The following FUT9 variants were observed in gnomAD, a reference collection of about 807,000 sequenced individuals.
The protein encoded by FUT9 is 4-galactosyl-N-acetylglucosaminide 3-alpha-L-fucosyltransferase 9.
A neutral mutation model predicts 29.7 loss-of-function variants in FUT9; 15 were observed. That is an observed-to-expected ratio of 0.51 (90% CI 0.34 to 0.78). The LOEUF is 0.78. Among genes scored for constraint, FUT9 ranks in the 30% least tolerant of loss-of-function variants. The pLI, the probability that FUT9 is intolerant of heterozygous loss-of-function variation, is 0.01. For missense variants in FUT9, 319 were observed against 425.4 expected (o/e 0.75, Z 2.20); for synonymous variants, 169 against 153.7 (o/e 1.10, Z -0.74).
intron 1 of FUT9, among the ~76,000 whole-genome samples, chr6:96,099,436 T>C (rs893938231): frequency 1.3e-5 from 2 of 152,166 alleles, no homozygotes; most frequent in African/African-American, 4.8e-5. Context: ...TTTTCCTCCT[T>C]TATATGTAAC....
intron 1 of FUT9, among the ~76,000 whole-genome samples, chr6:96,068,739 T>G (rs1024698620): frequency 6.6e-6 from 1 of 152,206 alleles, no homozygotes; most frequent in East Asian, 1.9e-4. Flanking sequence ...AGATAATATC[T>G]TCTCTTAAAA....
At chr6:96,130,113 T>C (rs920998715) in intron 2 of FUT9, among the ~76,000 whole-genome samples, 2 of 152,074 alleles carry the variant, frequency 1.3e-5, no homozygotes, top group Non-Finnish European at 2.9e-5. Context: ...GCATGGTTTT[T>C]GGGAGATAAA....
chr6:96,078,786 A>G (rs1376848750), intron 1 of FUT9, among the ~76,000 whole-genome samples: 2 of 152,164 alleles, frequency 1.3e-5, no homozygotes, highest in African/African-American at 2.4e-5. Context: ...ACAAAGGTCA[A>G]ACAAAACTAA....
chr6:96,155,574 G>C (rs543319866), intron 2 of FUT9, among the ~76,000 whole-genome samples: 3 of 151,936 alleles, frequency 2.0e-5, no homozygotes, highest in Non-Finnish European at 4.4e-5. Flanking sequence ...TTGGGAGGCT[G>C]AGGAAGGAGA....
At chr6:96,181,373 C>T (rs1447172617) in intron 2 of FUT9, among the ~76,000 whole-genome samples, 2 of 151,900 alleles carry the variant, frequency 1.3e-5, no homozygotes, top group African/African-American at 4.8e-5. Context: ...TACAATGTCA[C>T]CTTACCCAAT....
At chr6:96,144,292 A>C (rs909890732) in intron 2 of FUT9, among the ~76,000 whole-genome samples, 4 of 152,284 alleles carry the variant, frequency 2.6e-5, no homozygotes. Context: ...GCCCATAAAG[A>C]AGAGTAGTTA....
At chr6:96,174,771 A>G (rs916730994) in intron 2 of FUT9, among the ~76,000 whole-genome samples, 5 of 152,196 alleles carry the variant, frequency 3.3e-5, no homozygotes, top group African/African-American at 1.2e-4. Flanking sequence ...ATGAAGGAAG[A>G]TAAGAATGCA....
chr6:96,111,439 A>G (rs966717061), intron 1 of FUT9, among the ~76,000 whole-genome samples: 15 of 152,148 alleles, frequency 9.9e-5, no homozygotes, highest in African/African-American at 2.2e-4. Context: ...ACTAAGTTCA[A>G]ATAAATCATT....
At chr6:96,133,633 C>T (rs1031460315) in intron 2 of FUT9, among the ~76,000 whole-genome samples, 1 of 151,856 alleles carries the variant, frequency 6.6e-6, no homozygotes, top group Non-Finnish European at 1.5e-5. Flanking sequence ...GTGTGTAATT[C>T]ATACATTGAA....
At chr6:96,191,865 G>C (rs911446432) in intron 2 of FUT9, among the ~76,000 whole-genome samples, 1 of 152,032 alleles carries the variant, frequency 6.6e-6, no homozygotes, top group Non-Finnish European at 1.5e-5. Context: ...TGACCAAGTC[G>C]GCTTCATCCC....
chr6:96,117,260 A>G (rs1047525723), intron 2 of FUT9, among the ~76,000 whole-genome samples: 2 of 152,212 alleles, frequency 1.3e-5, no homozygotes, highest in Non-Finnish European at 2.9e-5. Context: ...AATAAATTAT[A>G]GATATTGGGA....
chr6:96,131,942 C>T (rs1409132337), intron 2 of FUT9, among the ~76,000 whole-genome samples: 1 of 152,178 alleles, frequency 6.6e-6, no homozygotes, highest in Non-Finnish European at 1.5e-5. Context: ...CATCACAGTT[C>T]TATGAAGAGG....
rs1184137014 is a variant in FUT9, at chr6:96,214,886, A to T, written c.*10651A>T. On this transcript the variant is annotated 3_prime_UTR_variant, in exon 3 of 3. Transcript: ENST00000302103. ...CAGTTCAATTTAACAGCTTCAGTGA[A>T]GTTAGTATAATGATAAGAAAAATTG... The T allele has an allele frequency of 6.0e-6, 1 of 166,998 alleles. No individual in the cohort carries two copies. The highest frequency in any genetic ancestry group is 1.5e-5 in the Non-Finnish European group (1 of 68,060). The allele number at this position is 166,998 out of a possible 1,614,324, so 10.3% of individuals were successfully genotyped here. A position where few individuals can be genotyped will look rare whatever the true frequency, so the allele number is the denominator to read the frequency against.
chr6:96,194,692 G>T (rs1248947926), intron 2 of FUT9, among the ~76,000 whole-genome samples: 1 of 92,394 alleles, frequency 1.1e-5, no homozygotes. Flanking sequence ...AGCCCAAAAT[G>T]AGAGTTTTGG....
chr6:96,176,102 G>C (rs1274134924), intron 2 of FUT9, among the ~76,000 whole-genome samples: 1 of 152,136 alleles, frequency 6.6e-6, no homozygotes, highest in African/African-American at 2.4e-5. Context: ...CAGGGCTTGC[G>C]CCCCTTCCCT....
intron 1 of FUT9, among the ~76,000 whole-genome samples, chr6:96,020,325 CTG>C (rs1436716931): frequency 6.6e-6 from 1 of 152,098 alleles, no homozygotes; most frequent in Non-Finnish European, 1.5e-5. Flanking sequence ...ATTTTAGTTT[CTG>C]TAAGCAAAAT....
At chr6:96,172,675 A>T (rs1773134321) in intron 2 of FUT9, among the ~76,000 whole-genome samples, 1 of 152,230 alleles carries the variant, frequency 6.6e-6, no homozygotes, top group South Asian at 2.1e-4. Flanking sequence ...CTGGACAAAC[A>T]CTAAAAGTTT....
At chr6:96,161,575 TTAAA>T (rs1314775440) in intron 2 of FUT9, among the ~76,000 whole-genome samples, 2 of 152,170 alleles carry the variant, frequency 1.3e-5, no homozygotes, top group Non-Finnish European at 2.9e-5. Flanking sequence ...TTTGAAGAAT[TTAAA>T]TAGTTTCAGT....
intron 1 of FUT9, among the ~76,000 whole-genome samples, chr6:96,032,832 A>G (rs534064881): frequency 6.6e-6 from 1 of 151,688 alleles, no homozygotes; most frequent in Non-Finnish European, 1.5e-5. Context: ...CAGGCTGTGT[A>G]ACCAGAGAGA....
Sources: gnomAD v4.1 joint callset for allele counts (sites outside exome capture counted in the v4.1 genomes callset) on GRCh38, gnomAD v4.1.1 for gene constraint, MANE v1.5 for transcripts, NCBI Gene and HGNC (gene_info 2026-07-23, HGNC 2026-07-21) for gene names.